FRMPD2: variants seen among roughly 807,000 people sequenced by gnomAD.
FRMPD2 encodes FERM and PDZ domain containing 2.
A neutral mutation model predicts 140.1 loss-of-function variants in FRMPD2; 96 were observed. The ratio of observed to expected loss-of-function variants is 0.69; its 90% CI spans 0.58 to 0.81. FRMPD2 has a LOEUF of 0.81. Among genes scored for constraint, FRMPD2 ranks in the 40% least tolerant of loss-of-function variants. The pLI, the probability that FRMPD2 is intolerant of heterozygous loss-of-function variation, is 0.00. For synonymous variants in FRMPD2, 449 were observed against 547.6 expected (o/e 0.82, Z 2.52); for missense variants, 1,240 against 1,447.4 (o/e 0.86, Z 2.32).
At chr10:48,158,253 T>G (rs1837840706) in intron 28 of FRMPD2, among the ~76,000 whole-genome samples, 1 of 146,400 alleles carries the variant, frequency 6.8e-6, no homozygotes, top group Non-Finnish European at 1.5e-5. Context: ...GGGTGAAATC[T>G]TGGCCATCAT....
chr10:48,206,989 G>A, intron 13 of FRMPD2, 56 bp from the exon 14 acceptor site: 1 of 1,513,162 alleles, frequency 6.6e-7, no homozygotes. Flanking sequence ...AAAATAATGG[G>A]CCTCACGCCA....
chr10:48,262,567 C>T (rs964984758), intron 1 of FRMPD2, among the ~76,000 whole-genome samples: 2 of 152,088 alleles, frequency 1.3e-5, no homozygotes, highest in Admixed American at 6.5e-5. Context: ...ACCCCTCTAT[C>T]AGGGATTAAC....
intron 7 of FRMPD2, among the ~76,000 whole-genome samples, 180 bp downstream of exon 7, chr10:48,239,425 A>AT (rs1371379550): frequency 3.3e-5 from 5 of 152,274 alleles, no homozygotes; most frequent in Non-Finnish European, 7.4e-5. Flanking sequence ...CAGGCCCCTC[A>AT]TTATCTTGGC....
intron 3 of FRMPD2, among the ~76,000 whole-genome samples, chr10:48,246,498 A>G (rs1588852703): frequency 6.6e-6 from 1 of 152,230 alleles, no homozygotes; most frequent in African/African-American, 2.4e-5. Context: ...AAAGAACACC[A>G]TGTTTGATTG....
chr10:48,237,256 G>A (rs1331321780), intron 8 of FRMPD2, among the ~76,000 whole-genome samples: 1 of 152,144 alleles, frequency 6.6e-6, no homozygotes, highest in Non-Finnish European at 1.5e-5. Context: ...CAAAATTCCA[G>A]CCCAGAAGTG....
rs1554792589 is a variant in FRMPD2, at chr10:48,181,072, A to G, written c.2585-64T>C. ...AGGCCGGTTTCTTGGTGGCATCTCT[A>G]TGTGGGCACAGCGTTTTCCTCCAGT... On this transcript the variant is annotated intron_variant, in intron 20 of 28. Coordinates refer to ENST00000374201, the MANE Select transcript of FRMPD2 (RefSeq NM_001018071.4). 11 of 1,001,718 alleles carry G rather than the reference A, an allele frequency of 1.1e-5. 1 individual carries two copies. Among genetic ancestry groups the G allele is most frequent in the African/African-American group, 1.1e-4 (7 of 63,788 alleles). The allele number at this position is 1,001,718 out of a possible 1,614,324, so 62.1% of individuals were successfully genotyped here.
chr10:48,167,630 C>A (rs1838131301), intron 27 of FRMPD2, among the ~76,000 whole-genome samples: 1 of 128,758 alleles, frequency 7.8e-6, no homozygotes, highest in Non-Finnish European at 1.6e-5. Flanking sequence ...CCCACGCTCA[C>A]ATCTCTGCTG....
At chr10:48,236,383 T>C (rs766622394) in intron 9 of FRMPD2, 99 bp downstream of exon 9, 4 of 926,856 alleles carry the variant, frequency 4.3e-6, no homozygotes, top group Non-Finnish European at 7.2e-6. Context: ...GCCACTGGGG[T>C]GTTCCCATGT....
intron 2 of FRMPD2, among the ~76,000 whole-genome samples, chr10:48,250,205 G>C (rs563582316): frequency 6.6e-6 from 1 of 151,716 alleles, no homozygotes; most frequent in Non-Finnish European, 1.5e-5. Flanking sequence ...CCTGGCCACC[G>C]GTGGCTATTG....
intron 16 of FRMPD2, among the ~76,000 whole-genome samples, chr10:48,190,548 A>G (rs574564232): frequency 1.3e-5 from 2 of 151,648 alleles, no homozygotes; most frequent in South Asian, 2.1e-4. Flanking sequence ...TCTTGGCATC[A>G]CCTCCACAAA....
chr10:48,182,406 G>T (rs769009), intron 20 of FRMPD2, among the ~76,000 whole-genome samples: 83,431 of 152,018 alleles, frequency 0.55, 23,453 homozygotes, highest in Middle Eastern at 0.62. Flanking sequence ...TTTTGGTAAA[G>T]GAAACTCAAT....
At chr10:48,252,926 C>T (rs1201983396) in intron 1 of FRMPD2, among the ~76,000 whole-genome samples, 2 of 151,272 alleles carry the variant, frequency 1.3e-5, no homozygotes, top group Non-Finnish European at 2.9e-5. Flanking sequence ...TTTTTTATCT[C>T]TCCTCTCTCT....
chr10:48,240,313 A>G (rs1165394683), intron 6 of FRMPD2, 47 bp downstream of exon 6: 1 of 1,589,626 alleles, frequency 6.3e-7, no homozygotes, highest in African/African-American at 1.3e-5. Flanking sequence ...AAAAAATAGA[A>G]TGGGTACCAT....
intron 6 of FRMPD2, among the ~76,000 whole-genome samples, 172 bp downstream of exon 6, chr10:48,240,188 A>C (rs1298056423): frequency 6.6e-6 from 1 of 152,264 alleles, no homozygotes; most frequent in Non-Finnish European, 1.5e-5. Flanking sequence ...CTTTCCTGGG[A>C]ACACAGGTGA....
chr10:48,273,356 G>C (rs1202589372), intron 1 of FRMPD2, among the ~76,000 whole-genome samples: 2 of 151,984 alleles, frequency 1.3e-5, no homozygotes, highest in Non-Finnish European at 2.9e-5. Flanking sequence ...GTGAACTCTG[G>C]GCCATAGAAG....
intron 1 of FRMPD2, among the ~76,000 whole-genome samples, chr10:48,274,240 A>G (rs778396787): frequency 6.6e-6 from 1 of 152,232 alleles, no homozygotes; most frequent in Non-Finnish European, 1.5e-5. Flanking sequence ...AAGTTAAAAG[A>G]GTCATTTGAA....
chr10:48,224,055 G>C (rs1333139960), intron 10 of FRMPD2, among the ~76,000 whole-genome samples: 2 of 152,200 alleles, frequency 1.3e-5, no homozygotes, highest in African/African-American at 2.4e-5. Context: ...CATGGTGTAA[G>C]TGGAGTCAAT....
In FRMPD2 at chr10:48,238,040, G is replaced by A; in HGVS notation, c.872C>T (p.Ser291Leu). ...CCTCTGAGAAGGAGTTGTTGGCCAT[G>A]AGCTGTCTGCTGCCGAGTGCACAGA... Reference protein sequence around the residue: ...SGSVHSAADSSWPTTPSQRGF... With the variant: ...SGSVHSAADSLWPTTPSQRGF... Residue 291 changes from serine to leucine, a missense_variant, in exon 8 of 29, where the codon TCA (serine) becomes TTA (leucine). Around this residue, in one of 6 missense-constraint regions of FRMPD2, gnomAD observed 1,161 missense variants for 1,055.9 expected, o/e 1.10. Coordinates refer to ENST00000374201, the MANE Select transcript of FRMPD2 (RefSeq NM_001018071.4). 1.9e-6 allele frequency: 3 copies of A among 1,614,110 alleles called. No homozygotes were observed. The highest frequency in any genetic ancestry group is 2.5e-6 in the Non-Finnish European group (3 of 1,180,030).
At chr10:48,182,702 G>C (rs575832532) in intron 20 of FRMPD2, among the ~76,000 whole-genome samples, 1 of 90,724 alleles carries the variant, frequency 1.1e-5, no homozygotes, top group Admixed American at 1.2e-4. Flanking sequence ...GAAACTCATT[G>C]TCTGGAATTC....
Sources: gnomAD v4.1 joint callset for allele counts (sites outside exome capture counted in the v4.1 genomes callset) on GRCh38, gnomAD v4.1.1 for gene constraint, gnomAD v4.1.1 regional missense constraint, MANE v1.5 for transcripts, NCBI Gene and HGNC (gene_info 2026-07-23, HGNC 2026-07-21) for gene names.